The following NINL variants were observed in gnomAD, a reference collection of about 807,000 sequenced individuals.
The protein encoded by NINL is ninein like.
In NINL, 153 loss-of-function variants were observed where a neutral mutation model predicts 160.3. The observed-to-expected ratio is 0.95, with a 90% CI of 0.84 to 1.09. The LOEUF (loss-of-function observed/expected upper bound fraction) is 1.09, where lower values mean the gene tolerates loss of function less well. Among genes scored for constraint, NINL ranks in the 50% least tolerant of loss-of-function variants. NINL has a pLI of 0.00. For missense variants in NINL, 1,829 were observed against 1,764.0 expected (o/e 1.04, Z -0.66); for synonymous variants, 800 against 734.8 (o/e 1.09, Z -1.43).
chr20:25,453,132 A>G lies in NINL; in HGVS notation c.*319T>C, dbSNP rs893269618. The G allele has an allele frequency of 1.6e-5, 4 of 250,498 alleles. No homozygotes were observed. The highest frequency in any genetic ancestry group is 8.2e-5 in the East Asian group (1 of 12,182). 15.5% of individuals were successfully genotyped at this position (250,498 alleles called of 1,614,324 possible). On this transcript the variant is annotated 3_prime_UTR_variant, in exon 24 of 24. Transcript: ENST00000278886. ...AAGCACCACATGGAAAGTGCTGTCCATAACTGCTCACTTACCTGCTCCTTG... is the reference window on the plus strand; with the variant it reads ...AAGCACCACATGGAAAGTGCTGTCCGTAACTGCTCACTTACCTGCTCCTTG...
chr20:25,580,109 G>C (rs2065156675), intron 1 of NINL, among the ~76,000 whole-genome samples: 1 of 152,190 alleles, frequency 6.6e-6, no homozygotes. Context: ...GAGGCGGGTG[G>C]ATCACCTGAG....
intron 1 of NINL, among the ~76,000 whole-genome samples, chr20:25,535,965 C>T (rs758106876): frequency 1.3e-5 from 2 of 152,118 alleles, no homozygotes; most frequent in Non-Finnish European, 2.9e-5. Context: ...GAAAAACACC[C>T]GCGCCAAGCA....
chr20:25,519,796 T>C (rs1476144740), intron 2 of NINL, among the ~76,000 whole-genome samples: 1 of 151,756 alleles, frequency 6.6e-6, no homozygotes, highest in Non-Finnish European at 1.5e-5. Flanking sequence ...GCAGGGTGAT[T>C]GCTTGAGCTC....
chr20:25,453,669 G>T, intron 23 of NINL, 27 bp from the exon 24 acceptor site: 1 of 1,572,982 alleles, frequency 6.4e-7, no homozygotes, highest in East Asian at 2.3e-5. Context: ...GCCATGCTTT[G>T]CATGAGGCCG....
At chr20:25,572,390 C>T (rs2065064439) in intron 1 of NINL, among the ~76,000 whole-genome samples, 2 of 152,114 alleles carry the variant, frequency 1.3e-5, no homozygotes, top group Admixed American at 6.6e-5. Context: ...GGTGTCTCTA[C>T]CACTGACCCC....
At chr20:25,487,512 G>GTT (rs2063527412) in intron 13 of NINL, among the ~76,000 whole-genome samples, 1 of 152,188 alleles carries the variant, frequency 6.6e-6, no homozygotes, top group South Asian at 2.1e-4. Flanking sequence ...GCTGGGTTCA[G>GTT]TGTCTATTGT....
rs368760821 is a variant in NINL, at chr20:25,501,773, T to C, written c.862-763A>G. Among the ~76,000 whole-genome samples the C allele has an allele frequency of 2.0e-5, 3 of 152,080 alleles. 1 individual carries two copies. The highest frequency in any genetic ancestry group is 1.9e-4 in the East Asian group (1 of 5,178). ...TCAGCCTCCCAAGTAGCTGGGACCA[T>C]AGGCATGTGCAACCGCACCTAGATA... is the stretch of plus-strand genomic sequence containing the variant. On this transcript the variant is annotated intron_variant, in intron 7 of 23. Coordinates refer to ENST00000278886, the MANE Select transcript of NINL (RefSeq NM_025176.6).
At chr20:25,560,406 C>T (rs2064920613) in intron 1 of NINL, among the ~76,000 whole-genome samples, 1 of 152,176 alleles carries the variant, frequency 6.6e-6, no homozygotes, top group African/African-American at 2.4e-5. Flanking sequence ...GCAAAAGGAA[C>T]CTAAAATTTG....
At chr20:25,512,091 C>T (rs556545856) in intron 4 of NINL, among the ~76,000 whole-genome samples, 53 of 152,332 alleles carry the variant, frequency 3.5e-4, no homozygotes, top group African/African-American at 1.2e-3. Context: ...CTGGGCCCAT[C>T]CCCCTCTCCT....
At chr20:25,458,341 C>T in intron 22 of NINL, 42 bp downstream of exon 22, 2 of 1,601,636 alleles carry the variant, frequency 1.2e-6, no homozygotes, top group Non-Finnish European at 1.7e-6. Flanking sequence ...CCTCACCCTC[C>T]TCCTCATCTC....
At chr20:25,501,043 C>A (rs368748) in intron 7 of NINL, 33 bp from the exon 8 acceptor site, 15 of 1,602,698 alleles carry the variant, frequency 9.4e-6, no homozygotes, top group Non-Finnish European at 1.2e-5. Context: ...TAGCGCCCAG[C>A]GTCCAAAGCC....
Position 25,548,290 on chromosome 20 carries a change from C to G in NINL, c.-11-21692G>C, listed in dbSNP as rs145571204. Among the ~76,000 whole-genome samples, 3 of 152,316 alleles carry G rather than the reference C, an allele frequency of 2.0e-5. No homozygotes were observed. In the East Asian group the frequency reaches 5.8e-4, roughly 29 times the overall value. On this transcript the variant is annotated intron_variant, in intron 1 of 23. Transcript: ENST00000278886. ...AAACCTGATCCCAGGCACCTTTGTG[C>G]TCCAAAATTCTCATTCTCTTGGGCC...
chr20:25,466,067 G>GC (rs2062905745), intron 19 of NINL, among the ~76,000 whole-genome samples: 1 of 152,042 alleles, frequency 6.6e-6, no homozygotes, highest in Non-Finnish European at 1.5e-5. Context: ...ACTCTGTCAG[G>GC]CTGGAGTGCA....
chr20:25,570,016 TAA>T (rs61326896), intron 1 of NINL, among the ~76,000 whole-genome samples: 11 of 140,602 alleles, frequency 7.8e-5, no homozygotes, highest in Admixed American at 7.2e-5. Context: ...CTGTCTCCAC[TAA>T]AAAAAAAAAA....
Position 25,476,962 on chromosome 20 carries a change from C to G in NINL, c.2329G>C (p.Glu777Gln). 1 of 1,608,984 alleles carries G rather than the reference C, an allele frequency of 6.2e-7. No homozygotes were observed. Among genetic ancestry groups the G allele is most frequent in the Non-Finnish European group, 8.5e-7 (1 of 1,179,884 alleles). ...AGTGCCCTCTCCAGCTCCAGCTGCT[C>G]CGACCTCTGGCTCCCGCGTGGCAGG... is the stretch of plus-strand genomic sequence containing the variant. ...GPLPRGSQRS[E>Q]QLELERALKL... The change falls in exon 17 of 24, where the codon GAG (glutamate) becomes CAG (glutamine). Residue 777 changes from glutamate (E) to glutamine (Q), a missense_variant. By Grantham distance (29) the Glu-to-Gln change is conservative. Coordinates refer to ENST00000278886, the MANE Select transcript of NINL (RefSeq NM_025176.6).
At chr20:25,563,325 A>T (rs1287862203) in intron 1 of NINL, among the ~76,000 whole-genome samples, 1 of 152,224 alleles carries the variant, frequency 6.6e-6, no homozygotes, top group East Asian at 1.9e-4. Flanking sequence ...TCTACATTCC[A>T]CTTCAAGTGG....
chr20:25,524,331 A>G (rs1293265619), intron 2 of NINL, among the ~76,000 whole-genome samples: 1 of 152,264 alleles, frequency 6.6e-6, no homozygotes, highest in Non-Finnish European at 1.5e-5. Flanking sequence ...AGCAGAGTCG[A>G]GAGCACTAGT....
In NINL at chr20:25,489,872, C is replaced by T. The variant is rs752939032; in HGVS notation, c.1596+3G>A. Reference sequence around the variant, plus strand: ...GAGGCAGACTGTCAGCAAAGGGACTCGCCTTGTCCTTCAGCACAAACTCCA... The same window carrying T: ...GAGGCAGACTGTCAGCAAAGGGACTTGCCTTGTCCTTCAGCACAAACTCCA... On this transcript the variant is annotated splice_donor_region_variant and intron_variant, in intron 12 of 23. Transcript: ENST00000278886. The T allele has an allele frequency of 1.1e-5, 17 of 1,613,728 alleles. No homozygotes were observed. Among genetic ancestry groups the T allele is most frequent in the African/African-American group, 5.3e-5 (4 of 74,928 alleles).
intron 8 of NINL, among the ~76,000 whole-genome samples, chr20:25,500,258 T>C (rs2063841416): frequency 6.6e-6 from 1 of 152,236 alleles, no homozygotes; most frequent in Non-Finnish European, 1.5e-5. Context: ...TGCATCCCTC[T>C]GGGAAGCCTG....
Sources: gnomAD v4.1 joint callset for allele counts (sites outside exome capture counted in the v4.1 genomes callset) on GRCh38, gnomAD v4.1.1 for gene constraint, MANE v1.5 for transcripts, NCBI Gene and HGNC (gene_info 2026-07-23, HGNC 2026-07-21) for gene names.